The following SORCS3 variants were observed in gnomAD, a reference collection of about 807,000 sequenced individuals.
SORCS3 encodes VPS10 domain-containing receptor SorCS3.
In SORCS3, 57 loss-of-function variants were observed where a neutral mutation model predicts 146.3. That is an observed-to-expected ratio of 0.39 (90% CI 0.31 to 0.49). The LOEUF (loss-of-function observed/expected upper bound fraction) is 0.49. Among genes scored for constraint, SORCS3 ranks in the 20% least tolerant of loss-of-function variants. SORCS3 has a pLI of 0.92. For missense variants in SORCS3, 1,341 were observed against 1,575.5 expected, an observed-to-expected ratio of 0.85 and a Z score of 2.52; for synonymous variants, 653 against 618.5, an observed-to-expected ratio of 1.06 and a Z score of -0.83.
intron 6 of SORCS3, among the ~76,000 whole-genome samples, chr10:105,102,330 A>G (rs1368969999): frequency 6.6e-6 from 1 of 152,254 alleles, no homozygotes; most frequent in African/African-American, 2.4e-5. Context: ...CATATACACC[A>G]TGGAATATCA....
At chr10:104,899,583 C>T (rs993246185) in intron 2 of SORCS3, among the ~76,000 whole-genome samples, 1 of 152,154 alleles carries the variant, frequency 6.6e-6, no homozygotes, top group Non-Finnish European at 1.5e-5. Context: ...ATTGCATGGC[C>T]AATGTTGATA....
intron 4 of SORCS3, among the ~76,000 whole-genome samples, chr10:104,981,037 T>TG (rs112912538): frequency 0.046 from 6,961 of 152,064 alleles, 510 homozygotes; most frequent in African/African-American, 0.16. Flanking sequence ...TGCAAAGGGG[T>TG]GGGGGGCAGA....
At chr10:104,788,060 A>C (rs539890757) in intron 1 of SORCS3, among the ~76,000 whole-genome samples, 89 of 152,308 alleles carry the variant, frequency 5.8e-4, no homozygotes, top group African/African-American at 2.1e-3. Context: ...CTTCTTCCAG[A>C]TTGGCCTAGA....
chr10:104,913,442 A>G (rs2018991097), intron 2 of SORCS3, among the ~76,000 whole-genome samples: 2 of 152,250 alleles, frequency 1.3e-5, no homozygotes, highest in South Asian at 4.1e-4. Flanking sequence ...CTGTGCCTGC[A>G]GTAGACAAGA....
At chr10:104,982,501 T>C (rs372708879) in intron 4 of SORCS3, among the ~76,000 whole-genome samples, 211 of 152,316 alleles carry the variant, frequency 1.4e-3, no homozygotes, top group African/African-American at 4.9e-3. Flanking sequence ...TAACTAGGGA[T>C]GACCATGGCT....
chr10:104,784,719 T>C (rs1278848914), intron 1 of SORCS3, among the ~76,000 whole-genome samples: 1 of 152,226 alleles, frequency 6.6e-6, no homozygotes, highest in Non-Finnish European at 1.5e-5. Flanking sequence ...ATCACCTTGT[T>C]CTTGTCCTCC....
At chr10:104,894,988 A>C (rs558845233) in intron 2 of SORCS3, among the ~76,000 whole-genome samples, 1 of 152,314 alleles carries the variant, frequency 6.6e-6, no homozygotes, top group South Asian at 2.1e-4. Flanking sequence ...AGTGAACCAG[A>C]GGAGCAGCCA....
intron 20 of SORCS3, among the ~76,000 whole-genome samples, chr10:105,242,730 A>C (rs1274368590): frequency 9.6e-6 from 1 of 104,140 alleles, no homozygotes. Flanking sequence ...ATACATTTAT[A>C]TATATTTATA....
intron 5 of SORCS3, among the ~76,000 whole-genome samples, chr10:105,072,551 T>A (rs1589618893): frequency 6.6e-6 from 1 of 152,102 alleles, no homozygotes; most frequent in African/African-American, 2.4e-5. Flanking sequence ...ATGCGTGTGC[T>A]ATGCATGCTC....
intron 3 of SORCS3, among the ~76,000 whole-genome samples, chr10:104,976,611 CAT>C (rs1332706899): frequency 1.3e-5 from 2 of 152,132 alleles, no homozygotes; most frequent in Non-Finnish European, 2.9e-5. Context: ...CACATGCACA[CAT>C]ATGTTTATTG....
chr10:104,764,072 A>G (rs1166573325), intron 1 of SORCS3, among the ~76,000 whole-genome samples: 1 of 151,560 alleles, frequency 6.6e-6, no homozygotes. Context: ...ATGGACTAAT[A>G]CATTAATTTT....
At chr10:105,100,153 C>T (rs2055773507) in intron 6 of SORCS3, among the ~76,000 whole-genome samples, 1 of 152,136 alleles carries the variant, frequency 6.6e-6, no homozygotes, top group Non-Finnish European at 1.5e-5. Context: ...TGCATATTTC[C>T]AAATAGCAGA....
At chr10:104,830,668 C>T (rs577049875) in intron 1 of SORCS3, among the ~76,000 whole-genome samples, 1 of 152,320 alleles carries the variant, frequency 6.6e-6, no homozygotes, top group African/African-American at 2.4e-5. Flanking sequence ...ATGTAATTTG[C>T]AGAGCCCTGG....
intron 1 of SORCS3, among the ~76,000 whole-genome samples, chr10:104,785,523 T>C (rs1383500574): frequency 1.4e-5 from 2 of 145,816 alleles, no homozygotes; most frequent in African/African-American, 5.1e-5. Context: ...CCCTCCACTA[T>C]TGTCCAATGA....
intron 24 of SORCS3, 139 bp downstream of exon 24, chr10:105,255,940 A>G (rs1231402191): frequency 6.1e-6 from 4 of 651,142 alleles, no homozygotes; most frequent in African/African-American, 3.7e-5. Flanking sequence ...GTTATGGTTC[A>G]GAAGGATTGG....
intron 3 of SORCS3, among the ~76,000 whole-genome samples, chr10:104,972,246 G>A (rs895566669): frequency 2.6e-5 from 4 of 152,150 alleles, no homozygotes; most frequent in East Asian, 3.9e-4. Flanking sequence ...ATCAGAGTCA[G>A]GTTATTATTG....
chr10:104,922,823 T>G (rs1312738152), intron 3 of SORCS3, among the ~76,000 whole-genome samples: 1 of 152,142 alleles, frequency 6.6e-6, no homozygotes, highest in Non-Finnish European at 1.5e-5. Context: ...TGCAAAGTGG[T>G]CTTTAGAGTC....
chr10:104,698,390 A>G (rs2016241819), intron 1 of SORCS3, among the ~76,000 whole-genome samples: 1 of 152,152 alleles, frequency 6.6e-6, no homozygotes, highest in Non-Finnish European at 1.5e-5. Flanking sequence ...GACTGAGTAC[A>G]CTTACATATA....
chr10:104,978,479 A>G (rs1461243575), intron 4 of SORCS3, among the ~76,000 whole-genome samples: 3 of 152,212 alleles, frequency 2.0e-5, no homozygotes, highest in African/African-American at 7.2e-5. Flanking sequence ...AATGAACTGG[A>G]GATCTCGCCC....
Sources: gnomAD v4.1 joint callset for allele counts (sites outside exome capture counted in the v4.1 genomes callset) on GRCh38, gnomAD v4.1.1 for gene constraint, MANE v1.5 for transcripts, NCBI Gene and HGNC (gene_info 2026-07-23, HGNC 2026-07-21) for gene names.